Variants in RIN2 observed in about 807,000 individuals in gnomAD.
RIN2 encodes Ras and Rab interactor 2.
RIN2 carries 36 observed loss-of-function variants against 78.0 expected under a neutral mutation model. The ratio of observed to expected loss-of-function variants is 0.46; its 90% confidence interval spans 0.35 to 0.61. The LOEUF is 0.61. RIN2 is among the 20% of genes least tolerant of loss of function. RIN2 has a pLI of 0.00. For synonymous variants in RIN2, 466 were observed against 466.8 expected, an observed-to-expected ratio of 1.00 and a Z score of 0.02; for missense variants, 1,087 against 1,159.7, an observed-to-expected ratio of 0.94 and a Z score of 0.91.
intron 2 of RIN2, among the ~76,000 whole-genome samples, chr20:19,822,906 A>AT (rs34515069): frequency 6.6e-6 from 1 of 152,128 alleles, no homozygotes; most frequent in South Asian, 2.1e-4. Context: ...ATGAATACAT[A>AT]TTTTTTGGCC....
At chr20:19,815,271 T>C (rs761275782) in intron 2 of RIN2, among the ~76,000 whole-genome samples, 3 of 152,236 alleles carry the variant, frequency 2.0e-5, no homozygotes, top group Non-Finnish European at 4.4e-5. Context: ...AGAAGGCCTA[T>C]AATGAGGCAA....
At chr20:19,869,868 A>G (rs938074889) in intron 2 of RIN2, among the ~76,000 whole-genome samples, 2 of 151,508 alleles carry the variant, frequency 1.3e-5, no homozygotes, top group Admixed American at 1.3e-4. Context: ...TGCCCAGATG[A>G]CAGTGCTGGA....
chr20:19,810,302 G>A (rs1050067900), intron 2 of RIN2, among the ~76,000 whole-genome samples: 2 of 151,922 alleles, frequency 1.3e-5, no homozygotes, highest in Non-Finnish European at 2.9e-5. Flanking sequence ...CAGCTACTTG[G>A]GAGGCTGAGG....
At chr20:19,808,715 C>T (rs975941743) in intron 2 of RIN2, among the ~76,000 whole-genome samples, 6 of 152,310 alleles carry the variant, frequency 3.9e-5, no homozygotes, top group South Asian at 2.1e-4. Flanking sequence ...TCTGGAGCCA[C>T]GGAAGGCCTG....
intron 1 of RIN2, among the ~76,000 whole-genome samples, chr20:19,790,849 C>G (rs1037580905): frequency 6.6e-6 from 1 of 152,152 alleles, no homozygotes; most frequent in Non-Finnish European, 1.5e-5. Context: ...GTCACTAGCT[C>G]CCATAGGTTT....
chr20:19,931,520 A>C (rs2040437903), intron 3 of RIN2, among the ~76,000 whole-genome samples: 1 of 152,140 alleles, frequency 6.6e-6, no homozygotes, highest in Non-Finnish European at 1.5e-5. Context: ...ATATGGATAC[A>C]TTTTATTTGT....
chr20:19,901,743 G>T (rs767983552), intron 3 of RIN2, among the ~76,000 whole-genome samples: 1 of 152,088 alleles, frequency 6.6e-6, no homozygotes, highest in Non-Finnish European at 1.5e-5. Context: ...CAGGTCGAGT[G>T]CGGTGGCCCA....
intron 2 of RIN2, among the ~76,000 whole-genome samples, chr20:19,848,680 C>A (rs2036863234): frequency 6.7e-6 from 1 of 150,036 alleles, no homozygotes; most frequent in Non-Finnish European, 1.5e-5. Context: ...TTTCACAGTA[C>A]ATAGCAGTTA....
chr20:19,985,605 C>T (rs1200837752), intron 9 of RIN2, among the ~76,000 whole-genome samples: 1 of 152,176 alleles, frequency 6.6e-6, no homozygotes, highest in Non-Finnish European at 1.5e-5. Context: ...GGCATGGTGT[C>T]TTATGCCTAT....
chr20:19,824,069 G>T, intron 2 of RIN2: 1 of 624,388 alleles, frequency 1.6e-6, no homozygotes, highest in African/African-American at 1.8e-5. Flanking sequence ...CCAGGGACTG[G>T]TATGCACATG....
In RIN2 at chr20:19,869,565, T is replaced by G. The variant is rs146586052; in HGVS notation, c.-36-20001T>G. Among the ~76,000 whole-genome samples the G allele has an allele frequency of 1.1e-3, 170 of 152,252 alleles. 4 individuals are homozygous for G. In the East Asian group the frequency reaches 0.03, roughly 27 times the overall value. On this transcript the variant is annotated intron_variant, in intron 2 of 12. Coordinates refer to ENST00000255006, the MANE Select transcript of RIN2 (RefSeq NM_018993.4). ...TGAAGCCTCCACCCTCACCCTGGACTTTAGGCCATCCCTTAATCACTTTTA... is the reference window on the plus strand; with the variant it reads ...TGAAGCCTCCACCCTCACCCTGGACGTTAGGCCATCCCTTAATCACTTTTA...
At chr20:19,785,023 T>A (rs1384284333) in intron 1 of RIN2, among the ~76,000 whole-genome samples, 2 of 152,086 alleles carry the variant, frequency 1.3e-5, no homozygotes, top group Admixed American at 6.5e-5. Context: ...CTTCCCCTCT[T>A]CCAGAGTAAG....
At chr20:19,994,631 C>T (rs1164211339) in intron 11 of RIN2, among the ~76,000 whole-genome samples, 1 of 152,184 alleles carries the variant, frequency 6.6e-6, no homozygotes, top group Non-Finnish European at 1.5e-5. Flanking sequence ...AGGAGCCCCC[C>T]TCCACCCCCA....
At chr20:19,986,214 C>T (rs1306569136) in intron 9 of RIN2, among the ~76,000 whole-genome samples, 6 of 152,044 alleles carry the variant, frequency 3.9e-5, no homozygotes, top group East Asian at 1.9e-4. Context: ...TTTTCCTTCT[C>T]GCTTTATGAG....
At position 19,942,118 on chromosome 20, in the gene RIN2, A is replaced by AAAAAGAAAAAG. The variant is rs1555796259; in HGVS notation, c.158+6927_158+6928insAAGAAAAGAAA. On this transcript the variant is annotated intron_variant, in intron 4 of 12. Transcript: ENST00000255006. ...GAGTGAGACTCTATCTCAAAAAAAA[A>AAAAAGAAAAAG]AAAAGAAAGAGAAAGTATTTATTCA... 3.4e-4 allele frequency among the ~76,000 whole-genome samples: 49 copies of AAAAAGAAAAAG among 142,992 alleles called. 1 individual carries two copies. The South Asian group carries it at 1.0e-2, about 29-fold the overall frequency. The allele number at this position is 142,992 out of a possible 152,430, so 93.8% of individuals were successfully genotyped here.
chr20:19,897,813 G>A (rs1490147779), intron 3 of RIN2, among the ~76,000 whole-genome samples: 1 of 152,074 alleles, frequency 6.6e-6, no homozygotes, highest in East Asian at 1.9e-4. Flanking sequence ...CTGGGCTCAA[G>A]CTATCTTCCC....
intron 2 of RIN2, among the ~76,000 whole-genome samples, chr20:19,852,428 C>G (rs1400286310): frequency 6.6e-6 from 1 of 152,164 alleles, no homozygotes; most frequent in Non-Finnish European, 1.5e-5. Context: ...CTGTCATCCG[C>G]TCAGTGTATT....
chr20:19,907,786 G>C (rs1174092618), intron 3 of RIN2, among the ~76,000 whole-genome samples: 1 of 152,184 alleles, frequency 6.6e-6, no homozygotes, highest in East Asian at 1.9e-4. Context: ...ACCTCACCTG[G>C]GTAAATACTG....
At chr20:19,963,661 A>G (rs535475377) in intron 6 of RIN2, among the ~76,000 whole-genome samples, 2 of 151,766 alleles carry the variant, frequency 1.3e-5, no homozygotes, top group Non-Finnish European at 2.9e-5. Context: ...TATGAGTGAG[A>G]AGAAACACAT....
Sources: allele counts gnomAD v4.1 joint callset (sites outside exome capture counted in the v4.1 genomes callset), GRCh38; gene constraint gnomAD v4.1.1; transcripts MANE v1.5; gene names NCBI Gene and HGNC (gene_info 2026-07-23, HGNC 2026-07-21).